GALNT13: variants seen among roughly 807,000 people sequenced by gnomAD.
The protein encoded by GALNT13 is polypeptide N-acetylgalactosaminyltransferase 13.
GALNT13 carries 28 observed loss-of-function variants against 64.2 expected under a neutral mutation model. The ratio of observed to expected loss-of-function variants is 0.44; its 90% CI spans 0.32 to 0.60. GALNT13 has a LOEUF of 0.60. Among genes scored for constraint, GALNT13 ranks in the 20% least tolerant of loss-of-function variants. GALNT13 has a pLI of 0.05. For missense variants in GALNT13, 577 were observed against 669.8 expected (o/e 0.86, Z 1.53); for synonymous variants, 214 against 224.6 (o/e 0.95, Z 0.42).
At chr2:153,974,945 A>T (rs1693982094) in intron 3 of GALNT13, among the ~76,000 whole-genome samples, 1 of 152,034 alleles carries the variant, frequency 6.6e-6, no homozygotes, top group Non-Finnish European at 1.5e-5. Context: ...TAAGTGGGAA[A>T]CTTTCACAAT....
the GALNT13 span, among the ~76,000 whole-genome samples, chr2:153,121,809 C>T: frequency 6.6e-6 from 1 of 152,302 alleles, no homozygotes; most frequent in East Asian, 1.9e-4. Context: ...GCTGGGATTA[C>T]AGGCATGAGC....
chr2:153,963,124 G>A (rs1033918531), intron 3 of GALNT13, among the ~76,000 whole-genome samples: 1 of 152,130 alleles, frequency 6.6e-6, no homozygotes, highest in African/African-American at 2.4e-5. Context: ...GTGCTTTGTT[G>A]GTTTGTTCTC....
At chr2:153,314,848 C>A in the GALNT13 span, among the ~76,000 whole-genome samples, 1 of 151,166 alleles carries the variant, frequency 6.6e-6, no homozygotes, top group Non-Finnish European at 1.5e-5. Context: ...ACCTAAACTT[C>A]CACCTTAAGA....
At chr2:154,205,721 C>T (rs979523431) in intron 4 of GALNT13, among the ~76,000 whole-genome samples, 2 of 152,042 alleles carry the variant, frequency 1.3e-5, no homozygotes, top group African/African-American at 4.8e-5. Flanking sequence ...CAGGGGAACT[C>T]CCATTTTTAA....
intron 9 of GALNT13, among the ~76,000 whole-genome samples, chr2:154,323,742 A>G (rs1228471159): frequency 6.6e-6 from 1 of 152,058 alleles, no homozygotes; most frequent in African/African-American, 2.4e-5. Flanking sequence ...TCCTGTTACC[A>G]TTAGTTTCAA....
chr2:153,294,898 T>C, the GALNT13 span, among the ~76,000 whole-genome samples: 1 of 152,310 alleles, frequency 6.6e-6, no homozygotes, highest in African/African-American at 2.4e-5. Flanking sequence ...CTTACAGGCC[T>C]CTAAACCAAA....
chr2:153,310,472 TTCC>T, the GALNT13 span, among the ~76,000 whole-genome samples: 1 of 152,092 alleles, frequency 6.6e-6, no homozygotes, highest in African/African-American at 2.4e-5. Context: ...ACCACTCCTC[TTCC>T]TCCTCCTCCT....
chr2:153,471,398 C>A, the GALNT13 span, among the ~76,000 whole-genome samples: 1 of 152,072 alleles, frequency 6.6e-6, no homozygotes, highest in African/African-American at 2.4e-5. Flanking sequence ...ACTCAGCCAG[C>A]GGACAGGATG....
the GALNT13 span, among the ~76,000 whole-genome samples, chr2:153,366,219 A>C: frequency 6.6e-6 from 1 of 152,092 alleles, no homozygotes; most frequent in Non-Finnish European, 1.5e-5. Context: ...AGGGAGGGGA[A>C]CAACACACTG....
chr2:153,553,023 G>T, the GALNT13 span, among the ~76,000 whole-genome samples: 1 of 152,152 alleles, frequency 6.6e-6, no homozygotes, highest in Non-Finnish European at 1.5e-5. Context: ...TCAGTATGTG[G>T]CTGGTGGGTT....
At chr2:154,267,718 A>G (rs1403941186) in intron 8 of GALNT13, among the ~76,000 whole-genome samples, 1 of 152,190 alleles carries the variant, frequency 6.6e-6, no homozygotes, top group African/African-American at 2.4e-5. Context: ...GCACTGACAG[A>G]AAAAAAGAAG....
chr2:153,839,650 A>G, the GALNT13 span, among the ~76,000 whole-genome samples: 1 of 151,946 alleles, frequency 6.6e-6, no homozygotes, highest in Admixed American at 6.6e-5. Flanking sequence ...GGAAATCCAT[A>G]TATTTAATAG....
the GALNT13 span, among the ~76,000 whole-genome samples, chr2:153,609,963 G>GT: frequency 6.6e-6 from 1 of 152,272 alleles, no homozygotes; most frequent in East Asian, 1.9e-4. Context: ...TTCTTGGTAT[G>GT]TTTATTTGTG....
chr2:154,150,607 G>T (rs368661660), intron 4 of GALNT13, among the ~76,000 whole-genome samples: 35 of 152,102 alleles, frequency 2.3e-4, no homozygotes, highest in Non-Finnish European at 3.1e-4. Context: ...CAATTTCAGA[G>T]CCTGTTATTG....
the GALNT13 span, among the ~76,000 whole-genome samples, chr2:153,085,060 G>A: frequency 6.6e-6 from 1 of 152,098 alleles, no homozygotes; most frequent in African/African-American, 2.4e-5. Flanking sequence ...AGGAACTTGT[G>A]GGAAGTGGAG....
chr2:153,249,950 T>C, the GALNT13 span, among the ~76,000 whole-genome samples: 4 of 152,146 alleles, frequency 2.6e-5, no homozygotes, highest in African/African-American at 9.7e-5. Flanking sequence ...GGCAATACCA[T>C]TCAGGATATA....
At chr2:153,777,559 A>G in the GALNT13 span, among the ~76,000 whole-genome samples, 8 of 152,320 alleles carry the variant, frequency 5.3e-5, no homozygotes, top group African/African-American at 1.4e-4. Context: ...GTGCCCATGT[A>G]CAAAACTGAC....
At chr2:153,721,947 C>A in the GALNT13 span, among the ~76,000 whole-genome samples, 1 of 149,380 alleles carries the variant, frequency 6.7e-6, no homozygotes, top group Non-Finnish European at 1.5e-5. Flanking sequence ...CAGCTCTGCA[C>A]CAAGCGGACC....
At chr2:153,884,803 A>ATG (rs764301374) in intron 1 of GALNT13, among the ~76,000 whole-genome samples, 39,981 of 132,520 alleles carry the variant, frequency 0.3, 6,642 homozygotes, top group African/African-American at 0.33. Flanking sequence ...GTATATATAT[A>ATG]TATGTGTGTG....
Sources: allele counts gnomAD v4.1 joint callset (sites outside exome capture counted in the v4.1 genomes callset), GRCh38; gene constraint gnomAD v4.1.1; transcripts MANE v1.5; gene names NCBI Gene and HGNC (gene_info 2026-07-23, HGNC 2026-07-21).